DOCK9: variants seen among roughly 807,000 people sequenced by gnomAD.
DOCK9 encodes the protein dedicator of cytokinesis 9, also known as dedicator of cytokinesis protein 9.
DOCK9 carries 89 observed loss-of-function variants against 263.3 expected under a neutral mutation model. That is an observed-to-expected ratio of 0.34 (90% CI 0.28 to 0.40). The LOEUF is 0.40. Ranked by LOEUF, DOCK9 falls within the 10% of genes least tolerant of loss-of-function variation. The probability of loss-of-function intolerance (pLI) is 1.00; values close to 1 mark genes in which losing one functional copy is unlikely to be tolerated. For synonymous variants in DOCK9, 976 were observed against 973.1 expected (o/e 1.00, Z -0.06); for missense variants, 2,140 against 2,603.4 (o/e 0.82, Z 3.87).
chr13:98,818,127 C>T (rs1255496375), intron 45 of DOCK9, among the ~76,000 whole-genome samples: 1 of 152,114 alleles, frequency 6.6e-6, no homozygotes, highest in Non-Finnish European at 1.5e-5. Context: ...AAAGTAAGTC[C>T]ACCTCTCACA....
At chr13:99,055,503 G>T (rs1170433700) in intron 1 of DOCK9, among the ~76,000 whole-genome samples, 1 of 152,120 alleles carries the variant, frequency 6.6e-6, no homozygotes, top group African/African-American at 2.4e-5. Flanking sequence ...AACTGTGGAG[G>T]GGACCGCAAT....
Position 98,811,672 on chromosome 13 carries a change from T to C in DOCK9, c.5131-1381A>G, listed in dbSNP as rs1192236472. Among the ~76,000 whole-genome samples, 5 of 152,232 alleles carry C rather than the reference T, an allele frequency of 3.3e-5. 1 individual carries two copies. Among genetic ancestry groups the C allele is most frequent in the African/African-American group, 4.8e-5 (2 of 41,464 alleles). On this transcript the variant is annotated intron_variant, in intron 45 of 52. Transcript: ENST00000682017. ...TGTGATTAGCCTCAGCCTCCAAAAG[T>C]GCTGGGATTACAGACGTGTGCCACG...
At chr13:98,999,119 A>G (rs1567188985) in intron 1 of DOCK9, among the ~76,000 whole-genome samples, 1 of 152,194 alleles carries the variant, frequency 6.6e-6, no homozygotes, top group East Asian at 1.9e-4. Context: ...AATGGAGGCT[A>G]AGACACTGCA....
At chr13:98,991,319 C>T (rs1240079597) in intron 1 of DOCK9, among the ~76,000 whole-genome samples, 1 of 152,136 alleles carries the variant, frequency 6.6e-6, no homozygotes, top group African/African-American at 2.4e-5. Flanking sequence ...ATGCTCCTGC[C>T]TCGGCCTCCC....
intron 1 of DOCK9, among the ~76,000 whole-genome samples, chr13:99,035,009 T>C (rs1887718640): frequency 2.0e-5 from 3 of 152,218 alleles, no homozygotes; most frequent in African/African-American, 7.2e-5. Flanking sequence ...GTCACCTACT[T>C]CCTAAAGAAT....
Position 98,867,446 on chromosome 13 carries a change from CT to C in DOCK9, c.3264del (p.Gly1089AlafsTer15). 1 of 1,606,102 alleles carries C rather than the reference CT, an allele frequency of 6.2e-7. No individual in the cohort carries two copies. The highest frequency in any genetic ancestry group is 8.5e-7 in the Non-Finnish European group (1 of 1,174,250). On this transcript the variant is annotated frameshift_variant, in exon 30 of 53. Transcript: ENST00000682017. LOFTEE classifies it high-confidence loss of function. ...IPLNLPMPFGKGRIQRYQDLQ... is the reference protein window; with the variant it reads ...IPLNLPMPFGXGRIQRYQDLQ... ...TTACCTTGGTATCTTTGAATCCTGCCTTTTCCAAATGGCATTGGTAAGTTCA... is the reference window on the plus strand; with the variant it reads ...TTACCTTGGTATCTTTGAATCCTGCCTTTCCAAATGGCATTGGTAAGTTCA...
At chr13:99,058,646 A>G (rs1044778119) in intron 1 of DOCK9, among the ~76,000 whole-genome samples, 28 of 151,688 alleles carry the variant, frequency 1.8e-4, no homozygotes, top group Admixed American at 1.8e-3. Context: ...CCCCCCATCC[A>G]CCCTCACCCA....
chr13:98,960,699 T>C (rs2058534686), intron 1 of DOCK9, among the ~76,000 whole-genome samples: 1 of 152,210 alleles, frequency 6.6e-6, no homozygotes, highest in Non-Finnish European at 1.5e-5. Flanking sequence ...GCCTGGGAAC[T>C]GGTTACAAAC....
intron 1 of DOCK9, among the ~76,000 whole-genome samples, chr13:99,048,554 G>A (rs2040543120): frequency 6.6e-6 from 1 of 152,168 alleles, no homozygotes; most frequent in African/African-American, 2.4e-5. Flanking sequence ...CTCCTCGGAG[G>A]CAATTCCCTT....
chr13:98,951,583 A>G (rs1323759152), intron 2 of DOCK9, among the ~76,000 whole-genome samples: 1 of 152,232 alleles, frequency 6.6e-6, no homozygotes, highest in Admixed American at 6.5e-5. Flanking sequence ...CCAAGACCAC[A>G]TACTCAAGTG....
chr13:99,033,072 A>G (rs1006279526), intron 1 of DOCK9, among the ~76,000 whole-genome samples: 2 of 152,242 alleles, frequency 1.3e-5, no homozygotes, highest in Non-Finnish European at 2.9e-5. Context: ...ATTCTAGGAC[A>G]TATGATGTTT....
chr13:98,903,360 G>A (rs527975132), intron 10 of DOCK9, among the ~76,000 whole-genome samples: 4 of 152,198 alleles, frequency 2.6e-5, no homozygotes, highest in South Asian at 2.1e-4. Context: ...TTGGGAGGCC[G>A]AGGCTGGCGG....
At chr13:98,938,096 C>T (rs907606922) in intron 2 of DOCK9, among the ~76,000 whole-genome samples, 9 of 152,244 alleles carry the variant, frequency 5.9e-5, no homozygotes, top group Non-Finnish European at 1.3e-4. Flanking sequence ...AACGACATTC[C>T]TGACCCCAAC....
intron 3 of DOCK9, among the ~76,000 whole-genome samples, chr13:98,929,864 A>G (rs1042341760): frequency 1.3e-5 from 2 of 152,188 alleles, no homozygotes; most frequent in African/African-American, 4.8e-5. Context: ...TTCATTTACA[A>G]GTTACTGCTT....
intron 21 of DOCK9, among the ~76,000 whole-genome samples, 171 bp downstream of exon 21, chr13:98,884,800 G>T (rs761042769): frequency 3.2e-4 from 48 of 152,198 alleles, no homozygotes; most frequent in Non-Finnish European, 6.0e-4. Context: ...TGAGGTAACT[G>T]CTAACAGCAC....
At chr13:98,809,576 C>T (rs1243132912) in intron 46 of DOCK9, 111 bp from the exon 47 acceptor site, 2 of 759,834 alleles carry the variant, frequency 2.6e-6, no homozygotes, top group African/African-American at 1.8e-5. Context: ...AATAAAAATA[C>T]ACACACACAC....
rs182624352 is a variant in DOCK9 at position 98,837,503 on chromosome 13, C to T, written c.4305G>A (p.Leu1435=). Residue 1435 remains leucine (L), a synonymous_variant, in exon 39 of 53, where the codon TTG becomes TTA. Coordinates refer to ENST00000682017, the MANE Select transcript of DOCK9 (RefSeq NM_001366683.2). Reference sequence around the variant, plus strand: ...GCAAATTGATACAAACCTTAAACGCCAATGTAAATAGAGAAAGCGTGTCCA... The same window carrying T: ...GCAAATTGATACAAACCTTAAACGCTAATGTAAATAGAGAAAGCGTGTCCA... ...TALDTLSLFT[L]AFKNQLLADH... The T allele has an allele frequency of 6.8e-5, 110 of 1,611,330 alleles. No individual in the cohort carries two copies. The African/African-American group carries it at 1.3e-3, about 18-fold the overall frequency.
chr13:99,034,833 C>T (rs1332352447), intron 1 of DOCK9, among the ~76,000 whole-genome samples: 1 of 152,206 alleles, frequency 6.6e-6, no homozygotes, highest in African/African-American at 2.4e-5. Flanking sequence ...GGCCAGAACA[C>T]AGGCAGTAAA....
chr13:98,830,727 C>T (rs1239561539), intron 41 of DOCK9, among the ~76,000 whole-genome samples: 1 of 152,158 alleles, frequency 6.6e-6, no homozygotes, highest in South Asian at 2.1e-4. Context: ...AGTTCCAGAG[C>T]TTGTCTGTGA....
Sources: gnomAD v4.1 joint callset for allele counts (sites outside exome capture counted in the v4.1 genomes callset) on GRCh38, gnomAD v4.1.1 for gene constraint, MANE v1.5 for transcripts, NCBI Gene and HGNC (gene_info 2026-07-23, HGNC 2026-07-21) for gene names.